Variants in OSBPL6 observed in about 807,000 individuals in gnomAD.
The protein encoded by OSBPL6 is oxysterol-binding protein-related protein 6.
Under a neutral mutation model 125.8 loss-of-function variants are expected in OSBPL6, and 49 were observed. The ratio of observed to expected loss-of-function variants is 0.39; its 90% CI spans 0.31 to 0.49. The LOEUF (loss-of-function observed/expected upper bound fraction) is 0.49. Ranked by LOEUF, OSBPL6 falls within the 20% of genes least tolerant of loss-of-function variation. The probability of loss-of-function intolerance (pLI) is 0.88; values close to 1 mark genes in which losing one functional copy is unlikely to be tolerated. For synonymous variants in OSBPL6, 394 were observed against 391.8 expected (o/e 1.01, Z -0.07); for missense variants, 986 against 1,135.4 (o/e 0.87, Z 1.89).
intron 14 of OSBPL6, among the ~76,000 whole-genome samples, chr2:178,373,643 G>T (rs571644908): frequency 1.3e-5 from 2 of 152,168 alleles, no homozygotes; most frequent in African/African-American, 4.8e-5. Context: ...ACCTGACTCA[G>T]TATCAATCAA....
intron 2 of OSBPL6, among the ~76,000 whole-genome samples, chr2:178,291,792 G>GCCATCCATCCATCCATCCATCCAT (rs371679590): frequency 1.7e-5 from 2 of 116,640 alleles, no homozygotes; most frequent in African/African-American, 5.8e-5. Context: ...CTTCCTGCCT[G>GCCATCCATCCATCCATCCATCCAT]CCATCCATCC....
intron 1 of OSBPL6, among the ~76,000 whole-genome samples, chr2:178,243,438 C>G (rs1472647328): frequency 6.6e-6 from 1 of 152,160 alleles, no homozygotes; most frequent in Non-Finnish European, 1.5e-5. Context: ...CTTGCTGTTC[C>G]TGTTGTTGTA....
rs529436394 is a variant in OSBPL6 at position 178,204,552 on chromosome 2, GA to G, written c.-351+9879del. On this transcript the variant is annotated intron_variant, in intron 1 of 24. Coordinates refer to ENST00000190611, the MANE Select transcript of OSBPL6 (RefSeq NM_032523.4). ...CCTCACTCCTTTCCTCTCTCTTGGG[GA>G]TCACTGTCTTTTGTTGCCTGATAAT... Among the ~76,000 whole-genome samples, 40 of 152,284 alleles carry G rather than the reference GA, an allele frequency of 2.6e-4. 1 individual carries two copies. The East Asian group carries it at 6.7e-3, about 26-fold the overall frequency.
At chr2:178,271,946 C>T (rs1188415819) in intron 1 of OSBPL6, among the ~76,000 whole-genome samples, 1 of 152,172 alleles carries the variant, frequency 6.6e-6, no homozygotes, top group African/African-American at 2.4e-5. Flanking sequence ...AAAGTCTGTT[C>T]TTTCATCTGG....
intron 11 of OSBPL6, chr2:178,344,340 G>A (rs771058337): frequency 5.0e-6 from 8 of 1,614,048 alleles, no homozygotes; most frequent in Non-Finnish European, 6.8e-6. Context: ...GCAGAGGCTA[G>A]CGGCAGCAGT....
chr2:178,380,448 G>C (rs78711584), intron 15 of OSBPL6, among the ~76,000 whole-genome samples: 3,244 of 94,180 alleles, frequency 0.034, 52 homozygotes, highest in Middle Eastern at 0.054. Flanking sequence ...CAGAGTAAGA[G>C]TCTGTCTCAA....
intron 3 of OSBPL6, among the ~76,000 whole-genome samples, chr2:178,316,569 T>A (rs1306858557): frequency 6.6e-6 from 1 of 152,184 alleles, no homozygotes; most frequent in Non-Finnish European, 1.5e-5. Context: ...GAACCAGCCA[T>A]TGTTGAGCCA....
At chr2:178,203,367 G>C (rs2089356438) in intron 1 of OSBPL6, among the ~76,000 whole-genome samples, 1 of 151,984 alleles carries the variant, frequency 6.6e-6, no homozygotes, top group South Asian at 2.1e-4. Context: ...CTCTTCTTTG[G>C]CAATGTCTAC....
At chr2:178,291,001 G>A (rs1045779446) in intron 2 of OSBPL6, among the ~76,000 whole-genome samples, 3 of 151,806 alleles carry the variant, frequency 2.0e-5, no homozygotes, top group African/African-American at 4.8e-5. Context: ...TATCCTTTGG[G>A]CACACAAAAT....
intron 9 of OSBPL6, among the ~76,000 whole-genome samples, chr2:178,337,421 A>G (rs1689786455): frequency 6.6e-6 from 1 of 152,198 alleles, no homozygotes; most frequent in African/African-American, 2.4e-5. Context: ...TGTCATTTTT[A>G]TCAGCCTTCT....
At chr2:178,392,009 A>AC (rs1695448621) in intron 22 of OSBPL6, among the ~76,000 whole-genome samples, 1 of 152,232 alleles carries the variant, frequency 6.6e-6, no homozygotes, top group South Asian at 2.1e-4. Context: ...AGTGGCAAAA[A>AC]ATATTAATTT....
chr2:178,251,313 A>G (rs1309147720), intron 1 of OSBPL6, among the ~76,000 whole-genome samples: 2 of 150,216 alleles, frequency 1.3e-5, no homozygotes, highest in African/African-American at 4.9e-5. Flanking sequence ...TAAGCCGTCT[A>G]CTCTGTCAGT....
At position 178,228,315 on chromosome 2, in the gene OSBPL6, C is replaced by T. The variant is rs554641736; in HGVS notation, c.-351+33641C>T. On this transcript the variant is annotated intron_variant, in intron 1 of 24. Transcript: ENST00000190611. ...CTTTGGGAGGCCAAGGTGGGCATAT[C>T]ATGAGGTCAGGAGATCGAGACCATC... is the stretch of plus-strand genomic sequence containing the variant. 3.3e-5 allele frequency among the ~76,000 whole-genome samples: 5 copies of T among 152,288 alleles called. No individual in the cohort carries two copies. The South Asian group carries it at 1.0e-3, about 32-fold the overall frequency.
chr2:178,381,362 C>CTT, intron 15 of OSBPL6, among the ~76,000 whole-genome samples: 1 of 151,450 alleles, frequency 6.6e-6, no homozygotes, highest in East Asian at 1.9e-4. Context: ...AGCCGTATTT[C>CTT]TTTTTTTTTG....
intron 12 of OSBPL6, among the ~76,000 whole-genome samples, chr2:178,361,403 T>G (rs1692342870): frequency 6.6e-6 from 1 of 152,254 alleles, no homozygotes; most frequent in Non-Finnish European, 1.5e-5. Context: ...ATTGATACTT[T>G]GCATTGATCT....
At chr2:178,307,848 A>G (rs1022268878) in intron 3 of OSBPL6, among the ~76,000 whole-genome samples, 6 of 152,154 alleles carry the variant, frequency 3.9e-5, no homozygotes, top group Non-Finnish European at 7.3e-5. Context: ...TGACTCCTGT[A>G]GAAACATCTA....
chr2:178,240,845 A>G (rs536081807), intron 1 of OSBPL6, among the ~76,000 whole-genome samples: 1 of 152,218 alleles, frequency 6.6e-6, no homozygotes, highest in Non-Finnish European at 1.5e-5. Context: ...TTATTTCTAT[A>G]CCACTATCAT....
At chr2:178,283,083 A>T (rs970014791) in intron 1 of OSBPL6, among the ~76,000 whole-genome samples, 1 of 152,256 alleles carries the variant, frequency 6.6e-6, no homozygotes, top group Non-Finnish European at 1.5e-5. Context: ...AAGAATTCTG[A>T]TGGATCTTAG....
chr2:178,274,185 T>C (rs1018307758), intron 1 of OSBPL6, among the ~76,000 whole-genome samples: 5 of 152,222 alleles, frequency 3.3e-5, no homozygotes, highest in Non-Finnish European at 5.9e-5. Flanking sequence ...AAGAATTTTA[T>C]CAGATAGGCT....
Sources: allele counts gnomAD v4.1 joint callset (sites outside exome capture counted in the v4.1 genomes callset), GRCh38; gene constraint gnomAD v4.1.1; transcripts MANE v1.5; gene names NCBI Gene and HGNC (gene_info 2026-07-23, HGNC 2026-07-21).